CA10: variants seen among roughly 807,000 people sequenced by gnomAD.
The protein encoded by CA10 is carbonic anhydrase-related protein 10.
A neutral mutation model predicts 44.2 loss-of-function variants in CA10; 14 were observed. The ratio of observed to expected loss-of-function variants is 0.32; its 90% CI spans 0.21 to 0.50. The LOEUF (loss-of-function observed/expected upper bound fraction) is 0.50, where lower values mean the gene tolerates loss of function less well. CA10 is among the 20% of genes least tolerant of loss of function. CA10 has a pLI of 0.99. For missense variants in CA10, 350 were observed against 409.7 expected (o/e 0.85, Z 1.26); for synonymous variants, 159 against 141.6 (o/e 1.12, Z -0.87).
intron 2 of CA10, among the ~76,000 whole-genome samples, chr17:52,029,652 C>T (rs1986406910): frequency 6.6e-6 from 1 of 152,062 alleles, no homozygotes; most frequent in East Asian, 1.9e-4. Context: ...ACATAAAGTG[C>T]CTGTCAGGAT....
At chr17:51,713,574 C>G (rs1916009057) in intron 4 of CA10, among the ~76,000 whole-genome samples, 1 of 152,220 alleles carries the variant, frequency 6.6e-6, no homozygotes, top group South Asian at 2.1e-4. Context: ...TCCCTAATCA[C>G]TAGGCTTACT....
intron 2 of CA10, among the ~76,000 whole-genome samples, chr17:51,959,099 C>T (rs1598139874): frequency 6.6e-6 from 1 of 152,020 alleles, no homozygotes; most frequent in Non-Finnish European, 1.5e-5. Context: ...ACAGGAAATG[C>T]TTCAAGGGAA....
At chr17:51,675,591 C>G (rs139304583) in intron 4 of CA10, among the ~76,000 whole-genome samples, 1 of 151,340 alleles carries the variant, frequency 6.6e-6, no homozygotes, top group African/African-American at 2.4e-5. Flanking sequence ...TGGCAGGCAC[C>G]TGTAATCCCA....
intron 3 of CA10, among the ~76,000 whole-genome samples, chr17:51,758,067 C>A (rs1187895070): frequency 6.6e-6 from 1 of 152,044 alleles, no homozygotes; most frequent in Non-Finnish European, 1.5e-5. Flanking sequence ...CTACTCTTAA[C>A]CCTGCAGGGA....
At chr17:51,710,218 G>A (rs564310793) in intron 4 of CA10, among the ~76,000 whole-genome samples, 3 of 152,194 alleles carry the variant, frequency 2.0e-5, no homozygotes, top group Non-Finnish European at 2.9e-5. Context: ...ATAATTTTGT[G>A]CTGAACAGAA....
chr17:51,916,150 A>G (rs1981990533), intron 3 of CA10, among the ~76,000 whole-genome samples: 1 of 151,910 alleles, frequency 6.6e-6, no homozygotes, highest in South Asian at 2.1e-4. Context: ...AAACAGTGTC[A>G]TTGGCCAGAA....
At chr17:51,873,666 T>C (rs905378849) in intron 3 of CA10, among the ~76,000 whole-genome samples, 1 of 152,200 alleles carries the variant, frequency 6.6e-6, no homozygotes, top group Non-Finnish European at 1.5e-5. Context: ...TGTCCATGAC[T>C]GGCCATGGGT....
intron 3 of CA10, among the ~76,000 whole-genome samples, chr17:51,786,214 C>CTGTGTGTGTGTGTG (rs71357856): frequency 2.7e-5 from 4 of 147,922 alleles, no homozygotes; most frequent in African/African-American, 9.9e-5. Context: ...CTTTGTGTGT[C>CTGTGTGTGTGTGTG]TGTGTGTGTG....
chr17:51,669,532 C>A (rs1166013374), intron 4 of CA10, among the ~76,000 whole-genome samples: 1 of 152,174 alleles, frequency 6.6e-6, no homozygotes, highest in Non-Finnish European at 1.5e-5. Flanking sequence ...CGTACTAAAT[C>A]TTGCTGCTGC....
chr17:52,003,733 A>C (rs1209573233), intron 2 of CA10, among the ~76,000 whole-genome samples: 1 of 151,882 alleles, frequency 6.6e-6, no homozygotes, highest in Non-Finnish European at 1.5e-5. Flanking sequence ...AAATGGATAC[A>C]CTTAGTTGCA....
At chr17:51,692,356 A>ATCCAT (rs1213546421) in intron 4 of CA10, among the ~76,000 whole-genome samples, 4 of 147,750 alleles carry the variant, frequency 2.7e-5, no homozygotes, top group African/African-American at 1.0e-4. Flanking sequence ...CTACCTATCT[A>ATCCAT]CCTATCCATC....
intron 3 of CA10, among the ~76,000 whole-genome samples, chr17:51,812,404 A>G (rs1193429488): frequency 6.6e-6 from 1 of 152,212 alleles, no homozygotes; most frequent in African/African-American, 2.4e-5. Flanking sequence ...GTTTAGTGTC[A>G]TCATGTTGCT....
At chr17:51,730,904 TA>T (rs34601669) in intron 4 of CA10, among the ~76,000 whole-genome samples, 2,996 of 147,822 alleles carry the variant, frequency 0.02, 118 homozygotes, top group African/African-American at 0.069. Flanking sequence ...AACACAGGGA[TA>T]AAAAAAAAAA....
intron 3 of CA10, among the ~76,000 whole-genome samples, chr17:51,807,311 G>C (rs971558493): frequency 6.6e-6 from 1 of 152,188 alleles, no homozygotes; most frequent in African/African-American, 2.4e-5. Context: ...GAAATGAAAG[G>C]ACTTTCTTTC....
At chr17:51,945,518 G>A (rs1983241077) in intron 2 of CA10, among the ~76,000 whole-genome samples, 1 of 152,126 alleles carries the variant, frequency 6.6e-6, no homozygotes, top group Non-Finnish European at 1.5e-5. Flanking sequence ...CTTGCATTAT[G>A]TGGGCCTTCT....
intron 2 of CA10, among the ~76,000 whole-genome samples, chr17:51,953,864 G>A (rs1285865698): frequency 6.6e-6 from 1 of 152,094 alleles, no homozygotes; most frequent in Non-Finnish European, 1.5e-5. Flanking sequence ...GGGAAAGCAA[G>A]GTTTCAAAAC....
chr17:52,110,076 C>G (rs1023236157), intron 1 of CA10, among the ~76,000 whole-genome samples: 1 of 152,196 alleles, frequency 6.6e-6, no homozygotes, highest in African/African-American at 2.4e-5. Context: ...CCAGACTAGA[C>G]ACCGGCATGA....
intron 2 of CA10, among the ~76,000 whole-genome samples, chr17:51,974,401 A>AC (rs1309490708): frequency 1.3e-5 from 2 of 150,960 alleles, no homozygotes; most frequent in Non-Finnish European, 3.0e-5. Flanking sequence ...AAAAAAAACA[A>AC]AAACAAAAGG....
rs918395515 is a variant in CA10 at position 51,858,927 on chromosome 17, C to T, written c.279+72063G>A. 2.0e-5 allele frequency among the ~76,000 whole-genome samples: 3 copies of T among 151,884 alleles called. No homozygotes were observed. The East Asian group carries it at 5.8e-4, about 29-fold the overall frequency. ...TCCCTATGGGAGCAGGTCACTTAGC[C>T]TATCAAAGTCTCGGTGTTCCCATTT... On this transcript the variant is annotated intron_variant, in intron 3 of 8. Coordinates refer to ENST00000451037, the MANE Select transcript of CA10 (RefSeq NM_020178.5).
Sources: allele counts gnomAD v4.1 joint callset (sites outside exome capture counted in the v4.1 genomes callset), GRCh38; gene constraint gnomAD v4.1.1; transcripts MANE v1.5; gene names NCBI Gene and HGNC (gene_info 2026-07-23, HGNC 2026-07-21).